Variants in BRINP3 observed in about 807,000 individuals in gnomAD.
BRINP3 encodes the protein BMP/retinoic acid inducible neural specific 3.
Under a neutral mutation model 71.0 loss-of-function variants are expected in BRINP3, and 19 were observed. The ratio of observed to expected loss-of-function variants is 0.27; its 90% CI spans 0.19 to 0.39. The LOEUF is 0.39. Among genes scored for constraint, BRINP3 ranks in the 10% least tolerant of loss-of-function variants. BRINP3 has a pLI of 1.00. For synonymous variants in BRINP3, 380 were observed against 337.7 expected (o/e 1.13, Z -1.37); for missense variants, 959 against 940.8 (o/e 1.02, Z -0.25).
chr1:190,368,264 C>G (rs1336225012), intron 2 of BRINP3, among the ~76,000 whole-genome samples: 2 of 151,828 alleles, frequency 1.3e-5, no homozygotes, highest in Non-Finnish European at 2.9e-5. Flanking sequence ...AAGTGCCAAG[C>G]AAAGGGGGAA....
chr1:190,226,096 T>C lies in BRINP3; in HGVS notation c.947A>G (p.Asp316Gly). 1.9e-6 allele frequency: 3 copies of C among 1,589,518 alleles called. No individual in the cohort carries two copies. Among genetic ancestry groups the C allele is most frequent in the South Asian group, 1.1e-5 (1 of 88,310 alleles). ...ITETWKAYNS[D>G]FEESDEFKLF... ...ACATGTCTTACCTGATTCCTCAAAG[T>C]CACTGTTGTAAGCTTTCCAGGTTTC... The change falls in exon 6 of 8, where the codon GAC (aspartate) becomes GGC (glycine). Residue 316 changes from aspartate to glycine, a missense_variant. By Grantham distance (94) the Asp-to-Gly change is moderately conservative (BLOSUM62 -1). Coordinates refer to ENST00000367462, the MANE Select transcript of BRINP3 (RefSeq NM_199051.3).
Position 190,234,461 on chromosome 1 carries a change from G to C in BRINP3, c.635C>G (p.Thr212Ser), listed in dbSNP as rs767380818. The part of the protein sequence containing the change: ...STAIKVTETR[T>S]GPLGCSNYDN... ...ATAGTTACTGCAGCCAAGAGGACCA[G>C]TCCGTGTTTCTGTTACCTGGCAAAC... Residue 212 changes from threonine (T) to serine (S), a missense_variant, in exon 5 of 8, where the codon ACT (threonine) becomes AGT (serine). Coordinates refer to ENST00000367462, the MANE Select transcript of BRINP3 (RefSeq NM_199051.3). The C allele has an allele frequency of 5.0e-5, 80 of 1,612,328 alleles. No individual in the cohort carries two copies. Among genetic ancestry groups the C allele is most frequent in the Non-Finnish European group, 6.4e-5 (75 of 1,178,974 alleles).
chr1:190,416,925 T>G (rs1370055576), intron 2 of BRINP3, among the ~76,000 whole-genome samples: 1 of 152,094 alleles, frequency 6.6e-6, no homozygotes, highest in East Asian at 1.9e-4. Flanking sequence ...TCCAAGCAAT[T>G]TGGGATTATC....
chr1:190,425,661 G>A (rs1673656226), intron 2 of BRINP3, among the ~76,000 whole-genome samples: 1 of 151,716 alleles, frequency 6.6e-6, no homozygotes, highest in Non-Finnish European at 1.5e-5. Flanking sequence ...AACATGATCT[G>A]TAAGCCAAAT....
intron 2 of BRINP3, among the ~76,000 whole-genome samples, chr1:190,290,196 G>A (rs541156922): frequency 6.6e-6 from 1 of 151,894 alleles, no homozygotes; most frequent in East Asian, 1.9e-4. Context: ...TTAACTATTT[G>A]CTCTAAACTG....
At chr1:190,370,234 A>T (rs1477729742) in intron 2 of BRINP3, among the ~76,000 whole-genome samples, 1 of 152,228 alleles carries the variant, frequency 6.6e-6, no homozygotes, top group Non-Finnish European at 1.5e-5. Context: ...CAATTAGATA[A>T]AACATTGTTA....
intron 2 of BRINP3, among the ~76,000 whole-genome samples, chr1:190,365,114 T>A (rs1348017744): frequency 6.6e-6 from 1 of 152,138 alleles, no homozygotes; most frequent in African/African-American, 2.4e-5. Flanking sequence ...TACAAAATCA[T>A]TTCTGATTGC....
At position 190,111,182 on chromosome 1, in the gene BRINP3, TAAAAAAAAAA is replaced by T. The variant is rs750953190; in HGVS notation, c.1185-12058_1185-12049del. The stretch of plus-strand genomic sequence containing the variant: ...CCTGGGCGACAGAGCAAGACTCCAT[TAAAAAAAAAA>T]AAAAAAAAAAAAAAAACTTTAGAAC... On this transcript the variant is annotated intron_variant, in intron 7 of 7. Coordinates refer to ENST00000367462, the MANE Select transcript of BRINP3 (RefSeq NM_199051.3). 2.1e-4 allele frequency among the ~76,000 whole-genome samples: 13 copies of T among 61,798 alleles called. No individual in the cohort carries two copies. In the South Asian group the frequency reaches 0.012, roughly 56 times the overall value. The allele number at this position is 61,798 out of a possible 152,430, so 40.5% of individuals were successfully genotyped here.
At chr1:190,251,294 T>A (rs1660120133) in intron 4 of BRINP3, among the ~76,000 whole-genome samples, 1 of 152,028 alleles carries the variant, frequency 6.6e-6, no homozygotes. Flanking sequence ...AAGCACTTAA[T>A]ATGTGCCAGG....
At chr1:190,370,610 G>T (rs563586494) in intron 2 of BRINP3, among the ~76,000 whole-genome samples, 2 of 152,318 alleles carry the variant, frequency 1.3e-5, no homozygotes, top group South Asian at 2.1e-4. Context: ...CCAGACTTAT[G>T]CGAAAAGTAG....
chr1:190,226,494 T>C (rs1657393891), intron 5 of BRINP3, among the ~76,000 whole-genome samples, 176 bp from the exon 6 acceptor site: 1 of 152,024 alleles, frequency 6.6e-6, no homozygotes, highest in Non-Finnish European at 1.5e-5. Context: ...TTTATAACTC[T>C]TTCAACATAT....
chr1:190,219,658 T>G (rs1350991062), intron 6 of BRINP3, among the ~76,000 whole-genome samples: 1 of 151,688 alleles, frequency 6.6e-6, no homozygotes, highest in Non-Finnish European at 1.5e-5. Flanking sequence ...GCCAACATGG[T>G]GAAACCCTGT....
chr1:190,371,433 C>T (rs565728971), intron 2 of BRINP3, among the ~76,000 whole-genome samples: 182 of 152,238 alleles, frequency 1.2e-3, no homozygotes, highest in African/African-American at 4.2e-3. Context: ...AAGACACTGT[C>T]CTTTCCCCAT....
chr1:190,359,107 A>C (rs1668954483), intron 2 of BRINP3, among the ~76,000 whole-genome samples: 1 of 152,142 alleles, frequency 6.6e-6, no homozygotes, highest in Non-Finnish European at 1.5e-5. Flanking sequence ...ACATGTATAC[A>C]TATGTAACAA....
chr1:190,417,913 CTCGAT>C (rs1673114602), intron 2 of BRINP3, among the ~76,000 whole-genome samples: 1 of 152,132 alleles, frequency 6.6e-6, no homozygotes, highest in Non-Finnish European at 1.5e-5. Flanking sequence ...TATTATTCAA[CTCGAT>C]TCTGATCAAT....
intron 3 of BRINP3, among the ~76,000 whole-genome samples, chr1:190,278,795 A>G (rs1464730611): frequency 6.6e-6 from 1 of 151,634 alleles, no homozygotes; most frequent in African/African-American, 2.4e-5. Context: ...TAGAGAGAGC[A>G]TACTGCCATC....
At chr1:190,150,310 A>G (rs1656279406) in intron 7 of BRINP3, among the ~76,000 whole-genome samples, 1 of 152,006 alleles carries the variant, frequency 6.6e-6, no homozygotes, top group South Asian at 2.1e-4. Flanking sequence ...ATACATATAC[A>G]TGTTAGAAAA....
At chr1:190,297,391 T>A (rs2102985301) in intron 2 of BRINP3, among the ~76,000 whole-genome samples, 1 of 151,956 alleles carries the variant, frequency 6.6e-6, no homozygotes, top group East Asian at 1.9e-4. Flanking sequence ...GATTAAAGAC[T>A]TAAATGTAAG....
At chr1:190,208,859 G>T (rs1655743183) in intron 6 of BRINP3, among the ~76,000 whole-genome samples, 1 of 151,982 alleles carries the variant, frequency 6.6e-6, no homozygotes, top group Non-Finnish European at 1.5e-5. Flanking sequence ...TATTGTACAA[G>T]TCACTTAACA....
Sources: gnomAD v4.1 joint callset for allele counts (sites outside exome capture counted in the v4.1 genomes callset) on GRCh38, gnomAD v4.1.1 for gene constraint, MANE v1.5 for transcripts, NCBI Gene and HGNC (gene_info 2026-07-23, HGNC 2026-07-21) for gene names.